LCORL: variants seen among roughly 807,000 people sequenced by gnomAD.
LCORL encodes ligand dependent nuclear receptor corepressor like.
LCORL carries 41 observed loss-of-function variants against 141.8 expected under a neutral mutation model. The ratio of observed to expected loss-of-function variants is 0.29; its 90% CI spans 0.23 to 0.38. The LOEUF (loss-of-function observed/expected upper bound fraction) is 0.38. LCORL is among the 10% of genes least tolerant of loss of function. The pLI, the probability that LCORL is intolerant of heterozygous loss-of-function variation, is 1.00. For missense variants in LCORL, 1,759 were observed against 2,035.0 expected (o/e 0.86, Z 2.61); for synonymous variants, 618 against 694.1 (o/e 0.89, Z 1.72).
At chr4:17,919,266 C>CTGAATT (rs1733935782) in intron 4 of LCORL, among the ~76,000 whole-genome samples, 1 of 152,004 alleles carries the variant, frequency 6.6e-6, no homozygotes, top group Non-Finnish European at 1.5e-5. Flanking sequence ...CAAAAATTTA[C>CTGAATT]CCCAAAGAGA....
chr4:18,014,533 T>C (rs1437698064), intron 1 of LCORL, among the ~76,000 whole-genome samples: 1 of 151,968 alleles, frequency 6.6e-6, no homozygotes, highest in African/African-American at 2.4e-5. Flanking sequence ...TAATAATAGC[T>C]TGGCAACAGA....
rs543081549 is a variant in LCORL, at chr4:17,932,049, C to T, written c.431-22704G>A. Among the ~76,000 whole-genome samples, 25 of 152,220 alleles carry T rather than the reference C, an allele frequency of 1.6e-4. No individual in the cohort carries two copies. In the South Asian group the frequency reaches 4.2e-3, roughly 25 times the overall value. ...AACACTATGAAGTAGCCCTTTCCGC[C>T]GCTAATTTCTACCCTGGGTAACATT... On this transcript the variant is annotated intron_variant, in intron 4 of 7. Transcript: ENST00000635767.
chr4:17,969,085 C>G (rs1715461596), intron 2 of LCORL, among the ~76,000 whole-genome samples: 2 of 152,096 alleles, frequency 1.3e-5, no homozygotes. Context: ...AACTGGCCTA[C>G]CAATAAGACA....
intron 1 of LCORL, among the ~76,000 whole-genome samples, chr4:18,003,583 T>C (rs1486509400): frequency 6.6e-6 from 1 of 152,178 alleles, no homozygotes; most frequent in African/African-American, 2.4e-5. Context: ...TGGCAAAATA[T>C]CCTAATATTA....
chr4:17,954,279 T>C (rs1353541522), intron 4 of LCORL, among the ~76,000 whole-genome samples: 1 of 152,148 alleles, frequency 6.6e-6, no homozygotes, highest in African/African-American at 2.4e-5. Flanking sequence ...TATTTGATGA[T>C]ATGAAGAAGT....
intron 1 of LCORL, among the ~76,000 whole-genome samples, chr4:17,986,635 G>T (rs1332372216): frequency 6.6e-6 from 1 of 151,932 alleles, no homozygotes; most frequent in Non-Finnish European, 1.5e-5. Flanking sequence ...TTGTTTGTTT[G>T]TTTATACTGG....
intron 1 of LCORL, among the ~76,000 whole-genome samples, chr4:18,009,487 C>A (rs976875170): frequency 3.3e-5 from 5 of 152,036 alleles, no homozygotes; most frequent in Non-Finnish European, 7.4e-5. Context: ...CCATATTGTA[C>A]CGAGCTCCAC....
chr4:18,015,559 G>T (rs1001717344), intron 1 of LCORL, among the ~76,000 whole-genome samples: 4 of 151,656 alleles, frequency 2.6e-5, no homozygotes, highest in Non-Finnish European at 5.9e-5. Flanking sequence ...CTATTAGAAG[G>T]TGCCACAATT....
intron 7 of LCORL, among the ~76,000 whole-genome samples, chr4:17,852,342 T>C (rs1723840675): frequency 6.6e-6 from 1 of 151,908 alleles, no homozygotes; most frequent in South Asian, 2.1e-4. Flanking sequence ...ATAATCACAA[T>C]AATAATGACC....
intron 1 of LCORL, among the ~76,000 whole-genome samples, chr4:17,982,020 G>C (rs1444489076): frequency 6.6e-6 from 1 of 151,752 alleles, no homozygotes; most frequent in Non-Finnish European, 1.5e-5. Context: ...AGTTTGCAAA[G>C]GATGATGGTC....
At chr4:17,956,107 G>A (rs1407969796) in intron 4 of LCORL, among the ~76,000 whole-genome samples, 1 of 152,120 alleles carries the variant, frequency 6.6e-6, no homozygotes, top group African/African-American at 2.4e-5. Context: ...AAACCACAGT[G>A]AGACATCATT....
chr4:17,873,203 G>C (rs1225550887), intron 7 of LCORL, among the ~76,000 whole-genome samples, 185 bp downstream of exon 7: 2 of 151,908 alleles, frequency 1.3e-5, no homozygotes, highest in Non-Finnish European at 2.9e-5. Context: ...TTAAGAGGTG[G>C]GGAAGCGCAC....
intron 7 of LCORL, among the ~76,000 whole-genome samples, chr4:17,867,618 T>C (rs1372117237): frequency 2.0e-5 from 3 of 152,238 alleles, no homozygotes. Flanking sequence ...AAGTAAAAAC[T>C]TGAAATATCT....
chr4:17,886,148 T>G (rs1406999645), exon 6 of LCORL: 1 of 1,585,670 alleles, frequency 6.3e-7, no homozygotes. Context: ...TAGAGAGATC[T>G]AACACTCCAT....
intron 1 of LCORL, among the ~76,000 whole-genome samples, chr4:17,973,314 G>C (rs1204365493): frequency 6.6e-6 from 1 of 151,694 alleles, no homozygotes; most frequent in Non-Finnish European, 1.5e-5. Context: ...AGGGTCAATA[G>C]GGAGAAATCT....
chr4:17,951,186 T>C (rs1424076171), intron 4 of LCORL, among the ~76,000 whole-genome samples: 4 of 152,312 alleles, frequency 2.6e-5, no homozygotes, highest in Non-Finnish European at 5.9e-5. Flanking sequence ...TCAGACATTT[T>C]AAAAATTGCC....
At chr4:17,989,993 C>G (rs1719672472) in intron 1 of LCORL, among the ~76,000 whole-genome samples, 1 of 151,826 alleles carries the variant, frequency 6.6e-6, no homozygotes, top group Admixed American at 6.6e-5. Context: ...ACATTTATTA[C>G]TTAATATGTA....
intron 1 of LCORL, among the ~76,000 whole-genome samples, chr4:17,999,026 A>AG (rs1216357275): frequency 1.5e-4 from 21 of 140,860 alleles, no homozygotes; most frequent in African/African-American, 5.5e-4. Flanking sequence ...ATATATATAT[A>AG]TATAGTATAG....
intron 5 of LCORL, among the ~76,000 whole-genome samples, chr4:17,892,209 C>CTT (rs1018422638): frequency 6.3e-4 from 80 of 126,482 alleles, no homozygotes; most frequent in African/African-American, 1.1e-3. Context: ...TTTTTTTTTT[C>CTT]TTTTTTTTTT....
Sources: gnomAD v4.1 joint callset for allele counts (sites outside exome capture counted in the v4.1 genomes callset) on GRCh38, gnomAD v4.1.1 for gene constraint, MANE v1.5 for transcripts, NCBI Gene and HGNC (gene_info 2026-07-23, HGNC 2026-07-21) for gene names.